Variants in TEK observed in about 807,000 individuals in gnomAD.
TEK encodes TEK receptor tyrosine kinase, also known as angiopoietin-1 receptor.
Under a neutral mutation model 131.8 loss-of-function variants are expected in TEK, and 43 were observed. The observed-to-expected ratio is 0.33, with a 90% CI of 0.26 to 0.42. The LOEUF is 0.42. Ranked by LOEUF, TEK falls within the 10% of genes least tolerant of loss-of-function variation. The pLI is 1.00. For synonymous variants in TEK, 580 were observed against 491.6 expected (o/e 1.18, Z -2.38); for missense variants, 1,162 against 1,384.4 (o/e 0.84, Z 2.55).
intron 1 of TEK, among the ~76,000 whole-genome samples, chr9:27,130,737 T>C (rs659608): frequency 0.69 from 103,978 of 150,920 alleles, 35,951 homozygotes; most frequent in South Asian, 0.77. Flanking sequence ...CCACCACGCC[T>C]GGCTAATTTT....
intron 16 of TEK, among the ~76,000 whole-genome samples, chr9:27,212,080 T>A (rs1375740431): frequency 6.6e-6 from 1 of 152,160 alleles, no homozygotes; most frequent in African/African-American, 2.4e-5. Flanking sequence ...TTTTATTTTT[T>A]CCTAAAAGCT....
chr9:27,201,688 G>A (rs868309693), intron 12 of TEK, among the ~76,000 whole-genome samples: 21 of 152,096 alleles, frequency 1.4e-4, no homozygotes, highest in African/African-American at 3.6e-4. Flanking sequence ...TCAACATAAT[G>A]AAAAGAAGAA....
chr9:27,190,360 A>C (rs777668250), intron 9 of TEK, among the ~76,000 whole-genome samples, 169 bp from the exon 10 acceptor site: 1 of 152,210 alleles, frequency 6.6e-6, no homozygotes, highest in African/African-American at 2.4e-5. Context: ...GGGTTGGGGA[A>C]GCAAAAGCAA....
At chr9:27,213,619 T>A (rs770492935) in intron 18 of TEK, 22 bp downstream of exon 18, 3 of 1,563,874 alleles carry the variant, frequency 1.9e-6, no homozygotes, top group African/African-American at 1.4e-5. Context: ...ACACAGACAC[T>A]GATCGCATCC....
chr9:27,189,145 T>A (rs539983761), intron 9 of TEK, among the ~76,000 whole-genome samples: 1 of 152,146 alleles, frequency 6.6e-6, no homozygotes, highest in African/African-American at 2.4e-5. Context: ...GAGTTATGCA[T>A]TTCTAAGAAG....
chr9:27,109,878 C>T (rs540199915), intron 1 of TEK, among the ~76,000 whole-genome samples: 3 of 152,278 alleles, frequency 2.0e-5, no homozygotes, highest in African/African-American at 7.2e-5. Flanking sequence ...GTGTTAGAAA[C>T]TCTTTGAGGA....
chr9:27,127,315 T>C (rs1427344624), intron 1 of TEK, among the ~76,000 whole-genome samples: 1 of 152,234 alleles, frequency 6.6e-6, no homozygotes, highest in Non-Finnish European at 1.5e-5. Context: ...TCATCCTTTT[T>C]TATGAATGCA....
chr9:27,143,160 G>A (rs1212441657), intron 1 of TEK, among the ~76,000 whole-genome samples: 1 of 152,194 alleles, frequency 6.6e-6, no homozygotes, highest in Non-Finnish European at 1.5e-5. Context: ...TGCGTTGCTT[G>A]AAATGAGCGT....
chr9:27,164,532 G>A (rs1056144518), intron 2 of TEK, among the ~76,000 whole-genome samples: 3 of 152,016 alleles, frequency 2.0e-5, no homozygotes, highest in Non-Finnish European at 4.4e-5. Flanking sequence ...TGTTAGCCAG[G>A]ATGATGTCGA....
At chr9:27,111,149 A>T (rs1821327352) in intron 1 of TEK, among the ~76,000 whole-genome samples, 1 of 152,138 alleles carries the variant, frequency 6.6e-6, no homozygotes, top group Admixed American at 6.5e-5. Flanking sequence ...ACAAAAAGGT[A>T]TGTAGCCAAA....
chr9:27,206,868 C>G, intron 15 of TEK, 76 bp downstream of exon 15: 1 of 1,518,410 alleles, frequency 6.6e-7, no homozygotes, highest in Non-Finnish European at 9.0e-7. Context: ...ATTCTTTCCT[C>G]TATGGTCTTA....
Position 27,158,103 on chromosome 9 carries a change from G to C in TEK, c.325G>C (p.Glu109Gln), listed in dbSNP as rs1236479837. The change falls in exon 2 of 23, where the codon GAG (glutamate) becomes CAG (glutamine). Residue 109 changes from glutamate (E) to glutamine (Q), a missense_variant. Transcript: ENST00000380036. ...AYFCEGRVRG[E>Q]AIRIRTMKMR... is the part of the protein sequence containing the mutation. ...TTTCTGTGAAGGGCGAGTTCGAGGAGAGGCAATCAGGATACGAACCATGAA... is the reference window on the plus strand; with the variant it reads ...TTTCTGTGAAGGGCGAGTTCGAGGACAGGCAATCAGGATACGAACCATGAA... The C allele has an allele frequency of 6.2e-7, 1 of 1,614,158 alleles. No individual in the cohort carries two copies. The highest frequency in any genetic ancestry group is 1.1e-5 in the South Asian group (1 of 91,066).
chr9:27,206,756 G>A lies in TEK; in HGVS notation c.2539G>A (p.Gly847Arg), dbSNP rs1825413844. ...QVLKARIKKD[G>R]LRMDAAIKRM... Reference sequence around the variant, plus strand: ...TCTTAAGGCGCGCATCAAGAAGGATGGGTTACGGATGGATGCTGCCATCAA... The same window carrying A: ...TCTTAAGGCGCGCATCAAGAAGGATAGGTTACGGATGGATGCTGCCATCAA... Residue 847 changes from glycine to arginine, a missense_variant, in exon 15 of 23, where the codon GGG becomes AGG. This residue lies in a region of TEK where 57 missense variants were observed against 100.8 expected (regional missense o/e 0.57). Coordinates refer to ENST00000380036, the MANE Select transcript of TEK (RefSeq NM_000459.5). 1.2e-6 allele frequency: 2 copies of A among 1,614,074 alleles called. No homozygotes were observed. Among genetic ancestry groups the A allele is most frequent in the Non-Finnish European group, 8.5e-7 (1 of 1,179,982 alleles).
At chr9:27,213,204 C>G (rs1825697743) in intron 17 of TEK, among the ~76,000 whole-genome samples, 1 of 152,118 alleles carries the variant, frequency 6.6e-6, no homozygotes, top group Admixed American at 6.5e-5. Context: ...TGGTTTGCCT[C>G]TAAATAATGT....
chr9:27,185,425 T>C lies in TEK; in HGVS notation c.1183-60T>C, dbSNP rs550938976. 1.9e-5 allele frequency: 31 copies of C among 1,604,770 alleles called. No homozygotes were observed. The East Asian group carries it at 4.5e-4, about 23-fold the overall frequency. On this transcript the variant is annotated intron_variant, in intron 8 of 22. Coordinates refer to ENST00000380036, the MANE Select transcript of TEK (RefSeq NM_000459.5). ...AAACAATGAGATGGGGTCAATGTTA[T>C]GGACCTTTGCGTTTATGCCTCCCTA...
intron 6 of TEK, among the ~76,000 whole-genome samples, chr9:27,177,001 G>A (rs1461141806): frequency 2.6e-5 from 4 of 152,162 alleles, no homozygotes; most frequent in Non-Finnish European, 4.4e-5. Context: ...CATCCGTGTT[G>A]TTGCAAATGA....
At position 27,158,012 on chromosome 9, in the gene TEK, G is replaced by C. The variant is rs55892210; in HGVS notation, c.234G>C (p.Val78=). 6.2e-7 allele frequency: 1 copy of C among 1,614,100 alleles called. No homozygotes were observed. The highest frequency in any genetic ancestry group is 1.1e-5 in the South Asian group (1 of 91,032). ...ATCCGCTGGAAGTTACTCAAGATGT[G>C]ACCAGAGAATGGGCTAAAAAAGTTG... is the stretch of plus-strand genomic sequence containing the variant. ...HQDPLEVTQD[V]TREWAKKVVW... Residue 78 remains valine (V), a synonymous_variant, in exon 2 of 23, where the codon GTG becomes GTC. Coordinates refer to ENST00000380036, the MANE Select transcript of TEK (RefSeq NM_000459.5).
intron 18 of TEK, among the ~76,000 whole-genome samples, chr9:27,214,165 A>G (rs1192554723): frequency 6.6e-6 from 1 of 152,202 alleles, no homozygotes; most frequent in Non-Finnish European, 1.5e-5. Flanking sequence ...AGGAGAACCT[A>G]ACCATACAGT....
rs780271276 is a variant in TEK at position 27,180,298 on chromosome 9, G to A, written c.960G>A (p.Gly320=). 6.2e-7 allele frequency: 1 copy of A among 1,613,782 alleles called. No homozygotes were observed. Among genetic ancestry groups the A allele is most frequent in the African/African-American group, 1.3e-5 (1 of 74,890 alleles). ...AGCTTAGGTGCAGCTGCAACAATGG[G>A]GAGATGTGTGATCGCTTCCAAGGAT... ...DCKLRCSCNN[G]EMCDRFQGCL... is the part of the protein sequence containing the mutation. Residue 320 remains glycine (G), a synonymous_variant, in exon 7 of 23, where the codon GGG becomes GGA. Coordinates refer to ENST00000380036, the MANE Select transcript of TEK (RefSeq NM_000459.5).
Sources: allele counts gnomAD v4.1 joint callset (sites outside exome capture counted in the v4.1 genomes callset), GRCh38; gene constraint gnomAD v4.1.1; regional missense constraint gnomAD v4.1.1; transcripts MANE v1.5; gene names NCBI Gene and HGNC (gene_info 2026-07-23, HGNC 2026-07-21).